Variants in FARSB observed in about 807,000 individuals in gnomAD.
FARSB encodes the protein phenylalanine--tRNA ligase beta subunit.
Under a neutral mutation model 69.6 loss-of-function variants are expected in FARSB, and 40 were observed. The ratio of observed to expected loss-of-function variants is 0.57; its 90% confidence interval spans 0.45 to 0.75. The LOEUF (loss-of-function observed/expected upper bound fraction) is 0.75. FARSB is among the 30% of genes least tolerant of loss of function. FARSB has a pLI of 0.00. For missense variants in FARSB, 632 were observed against 722.9 expected, an observed-to-expected ratio of 0.87 and a Z score of 1.44; for synonymous variants, 235 against 247.2, an observed-to-expected ratio of 0.95 and a Z score of 0.46.
intron 14 of FARSB, 42 bp from the exon 15 acceptor site, chr2:222,613,970 CA>C: frequency 8.8e-7 from 1 of 1,136,022 alleles, no homozygotes; most frequent in South Asian, 1.3e-5. Flanking sequence ...AAATAGGACC[CA>C]AACAAAGACA....
intron 16 of FARSB, among the ~76,000 whole-genome samples, chr2:222,583,390 A>G (rs887291420): frequency 6.6e-6 from 1 of 152,238 alleles, no homozygotes; most frequent in Admixed American, 6.5e-5. Flanking sequence ...GAACATTATC[A>G]GTTATTGGAT....
chr2:222,597,243 T>C (rs1690443025), intron 16 of FARSB, among the ~76,000 whole-genome samples: 1 of 152,190 alleles, frequency 6.6e-6, no homozygotes, highest in Non-Finnish European at 1.5e-5. Context: ...CTTGGACATT[T>C]CATACATGGA....
At chr2:222,622,655 C>T (rs775880139) in intron 13 of FARSB, among the ~76,000 whole-genome samples, 5 of 152,156 alleles carry the variant, frequency 3.3e-5, no homozygotes, top group Admixed American at 6.5e-5. Flanking sequence ...CTAGTGTACA[C>T]GGTATGAGAC....
chr2:222,628,944 A>G, intron 9 of FARSB, 56 bp from the exon 10 acceptor site: 4 of 1,217,330 alleles, frequency 3.3e-6, no homozygotes, highest in Non-Finnish European at 4.8e-6. Context: ...CATAAATTAC[A>G]GACATGAGTA....
intron 10 of FARSB, among the ~76,000 whole-genome samples, chr2:222,628,477 A>C (rs1691333015): frequency 6.6e-6 from 1 of 152,226 alleles, no homozygotes; most frequent in Non-Finnish European, 1.5e-5. Flanking sequence ...AAAACTACTC[A>C]GTTAACTAGT....
At position 222,571,840 on chromosome 2, in the gene FARSB, G is replaced by A; in HGVS notation, c.*31C>T. 1 of 1,591,740 alleles carries A rather than the reference G, an allele frequency of 6.3e-7. No individual in the cohort carries two copies. Among genetic ancestry groups the A allele is most frequent in the Non-Finnish European group, 8.6e-7 (1 of 1,165,926 alleles). ...ACTAGGGGAGGAGAAAGGGACACCT[G>A]GGAAGAGAATCACACCACAGAGACC... On this transcript the variant is annotated 3_prime_UTR_variant, in exon 17 of 17. Coordinates refer to ENST00000281828, the MANE Select transcript of FARSB (RefSeq NM_005687.5).
chr2:222,617,887 A>C (rs1327484097), intron 14 of FARSB, among the ~76,000 whole-genome samples: 3 of 152,254 alleles, frequency 2.0e-5, no homozygotes, highest in Non-Finnish European at 4.4e-5. Context: ...TGTCTCAAAA[A>C]ATAAATAAAA....
intron 15 of FARSB, among the ~76,000 whole-genome samples, chr2:222,607,929 G>A (rs1690749209): frequency 6.6e-6 from 1 of 151,570 alleles, no homozygotes; most frequent in Admixed American, 6.6e-5. Flanking sequence ...CTTTTATTTA[G>A]TTAATGTAAA....
At position 222,569,678 on chromosome 2, in the gene FARSB, C is replaced by T. The variant is rs1021156473; in HGVS notation, c.*2193G>A. 2.0e-5 allele frequency: 3 copies of T among 152,204 alleles called. No individual in the cohort carries two copies. Among genetic ancestry groups the T allele is most frequent in the Non-Finnish European group, 4.4e-5 (3 of 68,032 alleles). The allele number at this position is 152,204 out of a possible 1,614,324, so 9.4% of individuals were successfully genotyped here. On this transcript the variant is annotated 3_prime_UTR_variant, in exon 17 of 17. Transcript: ENST00000281828. ...TCTTTCCTGAGGTCCTGCCGACCAC[C>T]TGCTTTTGACTTTTTTAGACTCTCA...
chr2:222,579,776 AG>A, intron 16 of FARSB, among the ~76,000 whole-genome samples: 1 of 152,382 alleles, frequency 6.6e-6, no homozygotes, highest in Non-Finnish European at 1.5e-5. Flanking sequence ...CCTGAAACCC[AG>A]TCTGTAGCTC....
intron 1 of FARSB, among the ~76,000 whole-genome samples, chr2:222,652,951 T>C (rs1207602216): frequency 6.6e-6 from 1 of 152,230 alleles, no homozygotes; most frequent in Non-Finnish European, 1.5e-5. Context: ...CATGGGTTTC[T>C]ATACAAAGAA....
At chr2:222,591,825 G>A (rs576026993) in intron 16 of FARSB, among the ~76,000 whole-genome samples, 1 of 152,158 alleles carries the variant, frequency 6.6e-6, no homozygotes, top group East Asian at 1.9e-4. Flanking sequence ...AAATGCCAAT[G>A]GTTACCAGTA....
At chr2:222,585,925 G>C (rs7580204) in intron 16 of FARSB, among the ~76,000 whole-genome samples, 8,277 of 152,274 alleles carry the variant, frequency 0.054, 451 homozygotes, top group African/African-American at 0.14. Context: ...ATGGAACCAA[G>C]TTGGAAAACA....
chr2:222,637,009 C>T (rs757899526), intron 5 of FARSB, among the ~76,000 whole-genome samples: 1 of 152,096 alleles, frequency 6.6e-6, no homozygotes, highest in Non-Finnish European at 1.5e-5. Flanking sequence ...AGAACATACA[C>T]ATAATAAATA....
chr2:222,626,792 G>A (rs754826674), intron 10 of FARSB, among the ~76,000 whole-genome samples: 1 of 152,132 alleles, frequency 6.6e-6, no homozygotes, highest in Non-Finnish European at 1.5e-5. Context: ...CCAGCATTTT[G>A]GGAGGCCAAA....
At chr2:222,620,384 G>T (rs1356095067) in intron 13 of FARSB, among the ~76,000 whole-genome samples, 1 of 152,234 alleles carries the variant, frequency 6.6e-6, no homozygotes, top group Non-Finnish European at 1.5e-5. Flanking sequence ...ACTCTGCCCA[G>T]TGTTCTTTAC....
chr2:222,637,863 G>T (rs1691625550), intron 5 of FARSB, among the ~76,000 whole-genome samples: 1 of 152,020 alleles, frequency 6.6e-6, no homozygotes, highest in Non-Finnish European at 1.5e-5. Flanking sequence ...CATGCTTGTA[G>T]TCCCAGCTAC....
Position 222,567,066 on chromosome 2 carries a change from G to C in FARSB, c.*4805C>G, listed in dbSNP as rs1305158100. ...TCTGTATGTGTGCGCCAGGTAGGCA[G>C]AGAAACAGAGCAAGCTCTCTGGTGT... On this transcript the variant is annotated 3_prime_UTR_variant, in exon 17 of 17. Transcript: ENST00000281828. 6.6e-6 allele frequency: 1 copy of C among 152,236 alleles called. No homozygotes were observed. The highest frequency in any genetic ancestry group is 2.4e-5 in the African/African-American group (1 of 41,450). 9.4% of individuals were successfully genotyped at this position (152,236 alleles called of 1,614,324 possible).
intron 16 of FARSB, among the ~76,000 whole-genome samples, chr2:222,598,181 C>A (rs1382482466): frequency 1.3e-5 from 2 of 152,210 alleles, no homozygotes; most frequent in Non-Finnish European, 2.9e-5. Flanking sequence ...TCAAGACAAT[C>A]ATTTTAACAT....
Sources: gnomAD v4.1 joint callset for allele counts (sites outside exome capture counted in the v4.1 genomes callset) on GRCh38, gnomAD v4.1.1 for gene constraint, MANE v1.5 for transcripts, NCBI Gene and HGNC (gene_info 2026-07-23, HGNC 2026-07-21) for gene names.